The following CCBE1 variants were observed in gnomAD, a reference collection of about 807,000 sequenced individuals.
CCBE1 encodes the protein collagen and calcium-binding EGF domain-containing protein 1.
CCBE1 carries 37 observed loss-of-function variants against 50.0 expected under a neutral mutation model. The observed-to-expected ratio is 0.74, with a 90% confidence interval of 0.57 to 0.97. The LOEUF is 0.97. CCBE1 is among the 50% of genes least tolerant of loss of function. The pLI, the probability that CCBE1 is intolerant of heterozygous loss-of-function variation, is 0.00. For synonymous variants in CCBE1, 234 were observed against 203.7 expected (o/e 1.15, Z -1.27); for missense variants, 538 against 523.8 (o/e 1.03, Z -0.26).
At chr18:59,466,954 G>A in intron 4 of CCBE1, 63 bp from the exon 5 acceptor site, 2 of 1,424,622 alleles carry the variant, frequency 1.4e-6, no homozygotes, top group South Asian at 2.3e-5. Context: ...TACAACAGAT[G>A]ACATTGGGCT....
chr18:59,519,641 A>G (rs1914515670), intron 2 of CCBE1, among the ~76,000 whole-genome samples: 1 of 152,212 alleles, frequency 6.6e-6, no homozygotes, highest in Admixed American at 6.5e-5. Context: ...CTCTGATGAT[A>G]GTTTCTTTTG....
intron 2 of CCBE1, among the ~76,000 whole-genome samples, chr18:59,641,372 C>G (rs1255479953): frequency 6.6e-6 from 1 of 152,156 alleles, no homozygotes; most frequent in Non-Finnish European, 1.5e-5. Context: ...GTTCTCACCT[C>G]TAAGAGGGAG....
chr18:59,572,191 G>GT (rs2052924495), intron 2 of CCBE1, among the ~76,000 whole-genome samples: 1 of 152,296 alleles, frequency 6.6e-6, no homozygotes, highest in East Asian at 1.9e-4. Context: ...GTGAACACAC[G>GT]TTTTTTCAAA....
chr18:59,627,033 C>A lies in CCBE1; in HGVS notation c.212+69596G>T, dbSNP rs1037521374. Reference sequence around the variant, plus strand: ...GTTCATGTTGATTTAGTTGATGATCCTGTTCTAGAGCTCAGTTTCCTTATC... The same window carrying A: ...GTTCATGTTGATTTAGTTGATGATCATGTTCTAGAGCTCAGTTTCCTTATC... On this transcript the variant is annotated intron_variant, in intron 2 of 10. Coordinates refer to ENST00000439986, the MANE Select transcript of CCBE1 (RefSeq NM_133459.4). 3.3e-5 allele frequency among the ~76,000 whole-genome samples: 5 copies of A among 152,292 alleles called. No homozygotes were observed. The East Asian group carries it at 9.6e-4, about 29-fold the overall frequency.
At chr18:59,560,306 A>G (rs1214040149) in intron 2 of CCBE1, among the ~76,000 whole-genome samples, 3 of 152,220 alleles carry the variant, frequency 2.0e-5, no homozygotes, top group Admixed American at 6.5e-5. Flanking sequence ...GTATTCCTTA[A>G]TAAAAAAGCA....
chr18:59,543,590 C>T (rs1915554132), intron 2 of CCBE1, among the ~76,000 whole-genome samples: 1 of 152,162 alleles, frequency 6.6e-6, no homozygotes, highest in Non-Finnish European at 1.5e-5. Context: ...AATCCCAGCA[C>T]TTTGAGAGGC....
chr18:59,582,190 G>A (rs968107625), intron 2 of CCBE1, among the ~76,000 whole-genome samples: 6 of 152,108 alleles, frequency 3.9e-5, no homozygotes, highest in Non-Finnish European at 5.9e-5. Flanking sequence ...TTTAAGGTTC[G>A]AGTCAAAAGC....
chr18:59,474,375 A>G (rs924292363), intron 3 of CCBE1, among the ~76,000 whole-genome samples: 3 of 152,206 alleles, frequency 2.0e-5, no homozygotes, highest in Non-Finnish European at 4.4e-5. Flanking sequence ...TTATGATTTT[A>G]TGACATCTGG....
intron 2 of CCBE1, among the ~76,000 whole-genome samples, chr18:59,484,281 T>A (rs1912710494): frequency 6.6e-6 from 1 of 152,196 alleles, no homozygotes; most frequent in South Asian, 2.1e-4. Flanking sequence ...CAGTGATTCA[T>A]GAGAAAGTTG....
intron 3 of CCBE1, among the ~76,000 whole-genome samples, chr18:59,473,698 C>T (rs1912150807): frequency 8.5e-6 from 1 of 117,126 alleles, no homozygotes; most frequent in East Asian, 2.5e-4. Context: ...AACCCTCCCA[C>T]TACTCCCCCC....
At chr18:59,495,027 G>C (rs1210924416) in intron 2 of CCBE1, among the ~76,000 whole-genome samples, 1 of 152,136 alleles carries the variant, frequency 6.6e-6, no homozygotes, top group Non-Finnish European at 1.5e-5. Context: ...TGTTGTCCCA[G>C]TTACTTGTGG....
chr18:59,601,233 G>A (rs1383060479), intron 2 of CCBE1, among the ~76,000 whole-genome samples: 1 of 151,570 alleles, frequency 6.6e-6, no homozygotes, highest in African/African-American at 2.4e-5. Context: ...GGGTGATGTG[G>A]TTTGGCTGTG....
At chr18:59,531,263 C>T (rs915654148) in intron 2 of CCBE1, among the ~76,000 whole-genome samples, 2 of 94,056 alleles carry the variant, frequency 2.1e-5, no homozygotes, top group Admixed American at 1.0e-4. Flanking sequence ...AATCCTGCCT[C>T]ATCAATACCC....
intron 2 of CCBE1, among the ~76,000 whole-genome samples, chr18:59,598,558 C>A (rs191382234): frequency 3.9e-5 from 6 of 152,312 alleles, no homozygotes; most frequent in Admixed American, 2.0e-4. Context: ...CAGGTGCAGG[C>A]TGGAAATGCT....
intron 2 of CCBE1, among the ~76,000 whole-genome samples, chr18:59,524,320 AAAAACAAAAC>A (rs1031097528): frequency 4.6e-5 from 7 of 152,220 alleles, no homozygotes; most frequent in Admixed American, 3.3e-4. Context: ...ATCCTGTCTC[AAAAACAAAAC>A]AAAACAAAAC....
intron 3 of CCBE1, among the ~76,000 whole-genome samples, chr18:59,475,568 T>C (rs573432672): frequency 9.9e-5 from 15 of 152,202 alleles, no homozygotes; most frequent in Non-Finnish European, 1.9e-4. Context: ...TAATTGTTGA[T>C]ATCTTATCCA....
intron 2 of CCBE1, among the ~76,000 whole-genome samples, chr18:59,513,832 G>C (rs34983675): frequency 0.022 from 3,310 of 152,276 alleles, 144 homozygotes; most frequent in East Asian, 0.21. Flanking sequence ...TGTCTGACTG[G>C]CTCCAAGCCT....
At chr18:59,498,040 G>A (rs1913438250) in intron 2 of CCBE1, among the ~76,000 whole-genome samples, 1 of 152,158 alleles carries the variant, frequency 6.6e-6, no homozygotes, top group Non-Finnish European at 1.5e-5. Context: ...CATCAGCACT[G>A]GTGATTCTCC....
intron 2 of CCBE1, among the ~76,000 whole-genome samples, chr18:59,538,887 T>C (rs1377406917): frequency 6.6e-6 from 1 of 152,160 alleles, no homozygotes; most frequent in Non-Finnish European, 1.5e-5. Context: ...GATTAAGTTA[T>C]AAAAGACTAG....
Sources: allele counts gnomAD v4.1 joint callset (sites outside exome capture counted in the v4.1 genomes callset), GRCh38; gene constraint gnomAD v4.1.1; transcripts MANE v1.5; gene names NCBI Gene and HGNC (gene_info 2026-07-23, HGNC 2026-07-21).